Variants in KLHL12 observed in about 807,000 individuals in gnomAD.
The protein encoded by KLHL12 is kelch-like protein 12.
In KLHL12, 17 loss-of-function variants were observed where a neutral mutation model predicts 60.8. The observed-to-expected ratio is 0.28, with a 90% CI of 0.19 to 0.42. The LOEUF (loss-of-function observed/expected upper bound fraction) is 0.42, where lower values mean the gene tolerates loss of function less well. Among genes scored for constraint, KLHL12 ranks in the 10% least tolerant of loss-of-function variants. The pLI is 1.00. For missense variants in KLHL12, 468 were observed against 722.3 expected, an observed-to-expected ratio of 0.65 and a Z score of 4.04; for synonymous variants, 220 against 250.9, an observed-to-expected ratio of 0.88 and a Z score of 1.16.
chr1:202,927,152 C>G lies in KLHL12; in HGVS notation c.-109G>C. 1 of 985,352 alleles carries G rather than the reference C, an allele frequency of 1.0e-6. No homozygotes were observed. Among genetic ancestry groups the G allele is most frequent in the Non-Finnish European group, 1.2e-6 (1 of 829,946 alleles). 61.0% of individuals were successfully genotyped at this position (985,352 alleles called of 1,614,324 possible). ...CCCAGCCTGTGGGGATGGAGTGCGGCGCGGGGCTAGCAGGCGGCTCGGGAG... is the reference window on the plus strand; with the variant it reads ...CCCAGCCTGTGGGGATGGAGTGCGGGGCGGGGCTAGCAGGCGGCTCGGGAG... On this transcript the variant is annotated 5_prime_UTR_variant, in exon 1 of 12. Transcript: ENST00000367261.
At chr1:202,902,753 G>T (rs927021963) in intron 6 of KLHL12, among the ~76,000 whole-genome samples, 1 of 152,092 alleles carries the variant, frequency 6.6e-6, no homozygotes, top group Non-Finnish European at 1.5e-5. Flanking sequence ...ACTTTGGGAG[G>T]CCAAAGCAGG....
intron 4 of KLHL12, among the ~76,000 whole-genome samples, chr1:202,913,337 C>T (rs1207669476): frequency 6.6e-6 from 1 of 152,136 alleles, no homozygotes; most frequent in Non-Finnish European, 1.5e-5. Context: ...CTACAGAGTA[C>T]ATATTCTGGG....
rs2102408022 is a variant in KLHL12, at chr1:202,895,827, G to T, written c.940-110C>A. On this transcript the variant is annotated intron_variant, in intron 7 of 11. Transcript: ENST00000367261. The surrounding 1 kb of genome is among the most constrained non-coding windows in gnomAD (Gnocchi z 4.2). ...TGCACACCTCTCTGCTTCTTCACCT[G>T]TCATCATGAACCCTCCTTAAGTGGT... is the stretch of plus-strand genomic sequence containing the variant. 2.5e-6 allele frequency: 2 copies of T among 786,150 alleles called. No individual in the cohort carries two copies. The highest frequency in any genetic ancestry group is 2.7e-5 in the East Asian group (1 of 37,732). The allele number at this position is 786,150 out of a possible 1,614,324, so 48.7% of individuals were successfully genotyped here.
chr1:202,927,421 G>A (rs891640930), upstream of KLHL12, among the ~76,000 whole-genome samples: 6 of 148,102 alleles, frequency 4.1e-5, no homozygotes, highest in Admixed American at 7.0e-5. Flanking sequence ...GGTGGCTCAC[G>A]CCTATAATCC....
intron 6 of KLHL12, among the ~76,000 whole-genome samples, chr1:202,902,709 G>T (rs1660048437): frequency 6.6e-6 from 1 of 152,064 alleles, no homozygotes; most frequent in Non-Finnish European, 1.5e-5. Flanking sequence ...AATTTTTTGA[G>T]CCAGGCATGG....
chr1:202,893,092 T>TAA lies in KLHL12; in HGVS notation c.1580+145_1580+146dup, dbSNP rs149277577. ...AGAGCAATACTCTGTCTCTAAAAAATAAAAAAAATCTAATAAAAAAAATCA... is the reference window on the plus strand; with the variant it reads ...AGAGCAATACTCTGTCTCTAAAAAATAAAAAAAAAATCTAATAAAAAAAATCA... On this transcript the variant is annotated intron_variant, in intron 11 of 11. Transcript: ENST00000367261. This position sits in a 1 kb window ranked among gnomAD's most constrained non-coding sequence, Gnocchi z 4.1. 5.1e-5 allele frequency: 31 copies of TAA among 602,582 alleles called. No homozygotes were observed. Among genetic ancestry groups the TAA allele is most frequent in the Middle Eastern group, 4.6e-4 (1 of 2,194 alleles). 37.3% of individuals were successfully genotyped at this position (602,582 alleles called of 1,614,324 possible).
At position 202,895,469 on chromosome 1, in the gene KLHL12, C is replaced by G. The variant is rs565126116; in HGVS notation, c.1135+53G>C. 2.7e-5 allele frequency: 41 copies of G among 1,520,294 alleles called. No individual in the cohort carries two copies. In the East Asian group the frequency reaches 9.2e-4, roughly 34 times the overall value. The allele number at this position is 1,520,294 out of a possible 1,614,324, so 94.2% of individuals were successfully genotyped here. A position where few individuals can be genotyped will look rare whatever the true frequency, so the allele number is the denominator to read the frequency against. On this transcript the variant is annotated intron_variant, in intron 8 of 11. Coordinates refer to ENST00000367261, the MANE Select transcript of KLHL12 (RefSeq NM_021633.4). This position sits in a 1 kb window ranked among gnomAD's most constrained non-coding sequence, Gnocchi z 4.2. ...GCCAGACAACAGGAGAGGTTAAAAA[C>G]CCTGGTCCAGCCACAGTAAGATGGA...
intron 6 of KLHL12, among the ~76,000 whole-genome samples, chr1:202,901,504 G>A (rs1327944911): frequency 2.7e-5 from 4 of 146,288 alleles, no homozygotes; most frequent in African/African-American, 5.1e-5. Flanking sequence ...GTCTCACTAT[G>A]TTGCTCAGGC....
chr1:202,919,613 T>G, intron 3 of KLHL12, 142 bp downstream of exon 3: 1 of 688,732 alleles, frequency 1.5e-6, no homozygotes, highest in East Asian at 3.0e-5. Flanking sequence ...CTCTTATTGC[T>G]CAATGAGACA....
Position 202,909,727 on chromosome 1 carries a change from T to C in KLHL12, c.718-603A>G, listed in dbSNP as rs1660299780. Among the ~76,000 whole-genome samples, 1 of 152,164 alleles carries C rather than the reference T, an allele frequency of 6.6e-6. No individual in the cohort carries two copies. The highest frequency in any genetic ancestry group is 2.4e-5 in the African/African-American group (1 of 41,434). ...GCTTCCTATGCCTTCTAGCTTCTGG[T>C]TGGGATCAGCCCAACCAAAGGTCAA... is the stretch of plus-strand genomic sequence containing the variant. On this transcript the variant is annotated intron_variant, in intron 5 of 11. Coordinates refer to ENST00000367261, the MANE Select transcript of KLHL12 (RefSeq NM_021633.4). This position sits in a 1 kb window ranked among gnomAD's most constrained non-coding sequence, Gnocchi z 4.1.
At chr1:202,923,539 A>T (rs75389942) in intron 2 of KLHL12, among the ~76,000 whole-genome samples, 2,146 of 152,330 alleles carry the variant, frequency 0.014, 21 homozygotes, top group Non-Finnish European at 0.023. Context: ...ATTAGATTGT[A>T]GTATATAAAA....
chr1:202,921,295 C>A (rs868031265), intron 2 of KLHL12, among the ~76,000 whole-genome samples: 1 of 152,220 alleles, frequency 6.6e-6, no homozygotes, highest in African/African-American at 2.4e-5. Context: ...CTGCCTCAGC[C>A]GCCTGAGTAG....
At chr1:202,899,463 T>G (rs994903874) in intron 6 of KLHL12, among the ~76,000 whole-genome samples, 1 of 152,206 alleles carries the variant, frequency 6.6e-6, no homozygotes, top group Non-Finnish European at 1.5e-5. Context: ...ACTTGTCTTA[T>G]GTACTTGCCA....
rs767896636 is a variant in KLHL12, at chr1:202,893,600, C to G, written c.1394-175G>C. Among the ~76,000 whole-genome samples, 23 of 152,188 alleles carry G rather than the reference C, an allele frequency of 1.5e-4. No homozygotes were observed. Among genetic ancestry groups the G allele is most frequent in the Admixed American group, 5.9e-4 (9 of 15,278 alleles). On this transcript the variant is annotated intron_variant, in intron 10 of 11. Transcript: ENST00000367261. This position sits in a 1 kb window ranked among gnomAD's most constrained non-coding sequence, Gnocchi z 4.1. The stretch of plus-strand genomic sequence containing the variant: ...AGCACAAGTTATTCCATCTATAAAC[C>G]CTTTGGCTTGGACTTGAAATGATAA...
At chr1:202,896,340 C>T (rs1448137286) in intron 7 of KLHL12, among the ~76,000 whole-genome samples, 1 of 152,182 alleles carries the variant, frequency 6.6e-6, no homozygotes, top group African/African-American at 2.4e-5. Flanking sequence ...CATGCACCAC[C>T]ATGCCTGGCT....
chr1:202,928,472 A>G (rs1459915024), upstream of KLHL12: 1 of 1,296,836 alleles, frequency 7.7e-7, no homozygotes, highest in South Asian at 1.2e-5. Context: ...TGCAGCAAGT[A>G]TGTTTTACCT....
rs759643929 is a variant in KLHL12, at chr1:202,895,846, A to C, written c.940-129T>G. 1 of 682,330 alleles carries C rather than the reference A, an allele frequency of 1.5e-6. No individual in the cohort carries two copies. The highest frequency in any genetic ancestry group is 2.5e-6 in the Non-Finnish European group (1 of 399,872). The allele number at this position is 682,330 out of a possible 1,614,324, so 42.3% of individuals were successfully genotyped here. A position where few individuals can be genotyped will look rare whatever the true frequency, so the allele number is the denominator to read the frequency against. ...TCACCTGTCATCATGAACCCTCCTTAAGTGGTTCATCCTCAAGTGGCTCCC... is the reference window on the plus strand; with the variant it reads ...TCACCTGTCATCATGAACCCTCCTTCAGTGGTTCATCCTCAAGTGGCTCCC... On this transcript the variant is annotated intron_variant, in intron 7 of 11. Coordinates refer to ENST00000367261, the MANE Select transcript of KLHL12 (RefSeq NM_021633.4). This position sits in a 1 kb window ranked among gnomAD's most constrained non-coding sequence, Gnocchi z 4.2.
intron 7 of KLHL12, 51 bp downstream of exon 7, chr1:202,896,803 G>C (rs764679282): frequency 7.5e-7 from 1 of 1,335,540 alleles, no homozygotes; most frequent in South Asian, 1.2e-5. Flanking sequence ...TGGAGGCAGA[G>C]ACTGAGGACA....
chr1:202,912,543 GC>G, intron 4 of KLHL12: 1 of 1,053,000 alleles, frequency 9.5e-7, no homozygotes, highest in Non-Finnish European at 1.5e-6. Flanking sequence ...GGTGGTGGAA[GC>G]TACAGTGATT....
Sources: allele counts gnomAD v4.1 joint callset (sites outside exome capture counted in the v4.1 genomes callset), GRCh38; gene constraint gnomAD v4.1.1; non-coding constraint Gnocchi (gnomAD v3.1); transcripts MANE v1.5; gene names NCBI Gene and HGNC (gene_info 2026-07-23, HGNC 2026-07-21).